HCRTR2: variants seen among roughly 807,000 people sequenced by gnomAD.
The protein encoded by HCRTR2 is hypocretin receptor 2.
Under a neutral mutation model 49.0 loss-of-function variants are expected in HCRTR2, and 22 were observed. The observed-to-expected ratio is 0.45, with a 90% CI of 0.32 to 0.64. The LOEUF is 0.64. HCRTR2 is among the 30% of genes least tolerant of loss of function. The probability of loss-of-function intolerance (pLI) is 0.04; values close to 1 mark genes in which losing one functional copy is unlikely to be tolerated. For missense variants in HCRTR2, 491 were observed against 559.4 expected, an observed-to-expected ratio of 0.88 and a Z score of 1.23; for synonymous variants, 236 against 205.3, an observed-to-expected ratio of 1.15 and a Z score of -1.28.
chr6:55,140,840 C>T (rs1219897574), intron 1 of HCRTR2, among the ~76,000 whole-genome samples: 1 of 152,026 alleles, frequency 6.6e-6, no homozygotes, highest in African/African-American at 2.4e-5. Context: ...CAAATGTATA[C>T]CTACAAGTAA....
At chr6:55,278,594 T>C (rs931154089) in intron 5 of HCRTR2, among the ~76,000 whole-genome samples, 12 of 152,164 alleles carry the variant, frequency 7.9e-5, no homozygotes, top group Admixed American at 5.9e-4. Context: ...TGTTCAGTGA[T>C]ACTATTTACT....
At chr6:55,185,404 C>T (rs901719830) in intron 1 of HCRTR2, among the ~76,000 whole-genome samples, 2 of 151,890 alleles carry the variant, frequency 1.3e-5, no homozygotes, top group African/African-American at 4.8e-5. Context: ...TTATTTTTTC[C>T]CCCAGGCATA....
At chr6:55,273,530 G>A (rs72982047) in intron 4 of HCRTR2, among the ~76,000 whole-genome samples, 8,205 of 151,896 alleles carry the variant, frequency 0.054, 325 homozygotes, top group Non-Finnish European at 0.074. Context: ...CTCACTAACC[G>A]CCACCTCCAC....
Position 55,281,128 on chromosome 6 carries a change from G to A in HCRTR2, c.1105+684G>A, listed in dbSNP as rs1767182489. 1.3e-5 allele frequency among the ~76,000 whole-genome samples: 2 copies of A among 151,892 alleles called. 1 individual carries two copies. The highest frequency in any genetic ancestry group is 4.1e-4 in the South Asian group (2 of 4,820). ...ACATTGCCTTAATCTCCAACTCATT[G>A]GCGATTTCTTTGTTATTTCTATCTT... On this transcript the variant is annotated intron_variant, in intron 6 of 6. Transcript: ENST00000370862.
intron 1 of HCRTR2, among the ~76,000 whole-genome samples, chr6:55,235,721 T>C (rs1263131669): frequency 1.3e-5 from 2 of 152,122 alleles, no homozygotes; most frequent in African/African-American, 4.8e-5. Context: ...GTATCATTTG[T>C]AGAAAAGATA....
At chr6:55,255,554 A>G (rs1766637838) in intron 3 of HCRTR2, among the ~76,000 whole-genome samples, 175 bp downstream of exon 3, 1 of 152,082 alleles carries the variant, frequency 6.6e-6, no homozygotes, top group South Asian at 2.1e-4. Flanking sequence ...GAATAACTCT[A>G]CCTATCTGAA....
intron 1 of HCRTR2, among the ~76,000 whole-genome samples, chr6:55,207,500 A>G (rs973682317): frequency 1.3e-5 from 2 of 152,192 alleles, no homozygotes; most frequent in African/African-American, 2.4e-5. Context: ...GTAAATCTAA[A>G]GATTCCATTA....
At position 55,136,330 on chromosome 6, in the gene HCRTR2, T is replaced by C. The variant is rs374827163; in HGVS notation, c.-378+29785T>C. The stretch of plus-strand genomic sequence containing the variant: ...GAATTTAACTACTAGAGCCGCAGTA[T>C]GATTATAATAATGAGTCAAACTAAC... On this transcript the variant is annotated intron_variant, in intron 1 of 7. Transcript: ENST00000615358. Among the ~76,000 whole-genome samples the C allele has an allele frequency of 8.0e-4, 122 of 152,314 alleles. 3 individuals are homozygous for C. The South Asian group carries it at 0.02, about 25-fold the overall frequency.
intron 1 of HCRTR2, among the ~76,000 whole-genome samples, chr6:55,148,333 T>C (rs963285474): frequency 3.9e-5 from 6 of 152,104 alleles, no homozygotes; most frequent in Non-Finnish European, 7.4e-5. Flanking sequence ...AAAAGAATTC[T>C]AGAGGGTCTG....
upstream of HCRTR2, chr6:55,174,429 G>A: frequency 2.9e-6 from 2 of 695,916 alleles, no homozygotes; most frequent in Non-Finnish European, 5.2e-6. Flanking sequence ...CCCGGCAGAA[G>A]ACTCCGGAGG....
Position 55,174,515 on chromosome 6 carries a change from G to A in HCRTR2, c.-73G>A. On this transcript the variant is annotated 5_prime_UTR_variant, in exon 1 of 7. Coordinates refer to ENST00000370862, the MANE Select transcript of HCRTR2 (RefSeq NM_001384272.1). ...GCCTCTCCGCGCAGCCTTTCCCACC[G>A]CAAATCACCAGTGCTCATGGGGCAG... 2 of 1,292,986 alleles carry A rather than the reference G, an allele frequency of 1.5e-6. No individual in the cohort carries two copies. The highest frequency in any genetic ancestry group is 2.3e-6 in the Non-Finnish European group (2 of 887,994). The allele number at this position is 1,292,986 out of a possible 1,614,324, so 80.1% of individuals were successfully genotyped here.
chr6:55,180,506 G>C (rs1765113048), intron 1 of HCRTR2, among the ~76,000 whole-genome samples: 1 of 152,160 alleles, frequency 6.6e-6, no homozygotes, highest in African/African-American at 2.4e-5. Context: ...GGTCGGGCTA[G>C]GGTTACTTTA....
intron 1 of HCRTR2, among the ~76,000 whole-genome samples, chr6:55,123,489 G>A (rs979538219): frequency 2.6e-5 from 4 of 152,090 alleles, no homozygotes; most frequent in African/African-American, 4.8e-5. Context: ...CTTGATTGTG[G>A]TGGATAAGCT....
chr6:55,267,630 A>G (rs1766887061), intron 4 of HCRTR2, among the ~76,000 whole-genome samples: 1 of 152,098 alleles, frequency 6.6e-6, no homozygotes, highest in Non-Finnish European at 1.5e-5. Context: ...TGTGTCAGCT[A>G]TGGTGTGAGG....
At chr6:55,277,631 T>G in intron 5 of HCRTR2, 31 bp downstream of exon 5, 2 of 1,467,460 alleles carry the variant, frequency 1.4e-6, no homozygotes, top group Non-Finnish European at 1.9e-6. Flanking sequence ...GAAAATGAAA[T>G]AGCCTGCCTT....
chr6:55,254,696 G>A (rs1477642889), intron 2 of HCRTR2, among the ~76,000 whole-genome samples: 1 of 150,934 alleles, frequency 6.6e-6, no homozygotes, highest in Non-Finnish European at 1.5e-5. Context: ...ATTTCTATGT[G>A]GTAATTTAGA....
intron 1 of HCRTR2, among the ~76,000 whole-genome samples, chr6:55,210,005 A>G (rs1765669572): frequency 6.6e-6 from 1 of 152,092 alleles, no homozygotes; most frequent in African/African-American, 2.4e-5. Context: ...CAAGTTTGTA[A>G]ACTAATAAAG....
intron 3 of HCRTR2, among the ~76,000 whole-genome samples, chr6:55,258,388 T>C (rs994543587): frequency 6.6e-6 from 1 of 152,136 alleles, no homozygotes; most frequent in African/African-American, 2.4e-5. Context: ...CAAATAACTT[T>C]TGGAAAAGTT....
At chr6:55,267,383 A>T (rs1446689430) in intron 4 of HCRTR2, among the ~76,000 whole-genome samples, 2 of 147,412 alleles carry the variant, frequency 1.4e-5, no homozygotes, top group African/African-American at 5.1e-5. Context: ...GCTGTGAACT[A>T]CTTAAATTCT....
Sources: allele counts gnomAD v4.1 joint callset (sites outside exome capture counted in the v4.1 genomes callset), GRCh38; gene constraint gnomAD v4.1.1; transcripts MANE v1.5; gene names NCBI Gene and HGNC (gene_info 2026-07-23, HGNC 2026-07-21).